The following GALNT10 variants were observed in gnomAD, a reference collection of about 807,000 sequenced individuals.
GALNT10 encodes the protein polypeptide N-acetylgalactosaminyltransferase 10, also known as GalNAc transferase 10.
In GALNT10, 41 loss-of-function variants were observed where a neutral mutation model predicts 75.0. The ratio of observed to expected loss-of-function variants is 0.55; its 90% confidence interval spans 0.43 to 0.71. The LOEUF is 0.71. Among genes scored for constraint, GALNT10 ranks in the 30% least tolerant of loss-of-function variants. The pLI, the probability that GALNT10 is intolerant of heterozygous loss-of-function variation, is 0.00. For synonymous variants in GALNT10, 302 were observed against 313.0 expected, an observed-to-expected ratio of 0.96 and a Z score of 0.37; for missense variants, 727 against 818.5, an observed-to-expected ratio of 0.89 and a Z score of 1.36.
At chr5:154,211,541 G>A (rs188939475) in intron 1 of GALNT10, among the ~76,000 whole-genome samples, 5 of 152,218 alleles carry the variant, frequency 3.3e-5, no homozygotes, top group African/African-American at 1.2e-4. Flanking sequence ...TGCATTTCCC[G>A]TTTTGGTTAT....
At chr5:154,315,240 G>A (rs1019731996) in intron 3 of GALNT10, among the ~76,000 whole-genome samples, 2 of 152,216 alleles carry the variant, frequency 1.3e-5, no homozygotes, top group Admixed American at 1.3e-4. Context: ...TGGCTTCATG[G>A]TTACCTCAGC....
At chr5:154,192,400 C>G (rs1289695745) in intron 1 of GALNT10, among the ~76,000 whole-genome samples, 1 of 152,218 alleles carries the variant, frequency 6.6e-6, no homozygotes, top group South Asian at 2.1e-4. Flanking sequence ...TAGCTTAGAC[C>G]TCTCTCCCTG....
At chr5:154,214,753 A>G (rs957162073) in intron 1 of GALNT10, among the ~76,000 whole-genome samples, 1 of 152,142 alleles carries the variant, frequency 6.6e-6, no homozygotes, top group Non-Finnish European at 1.5e-5. Context: ...CCATTTTCTC[A>G]TTATGAAACT....
At position 154,402,384 on chromosome 5, in the gene GALNT10, C is replaced by T. The variant is rs536277333; in HGVS notation, c.1057-1720C>T. Reference sequence around the variant, plus strand: ...TTGGTTCCACCTCAAACATCCCTTCCGAAGTGAGGCTTTCCCTGACTGGGG... The same window carrying T: ...TTGGTTCCACCTCAAACATCCCTTCTGAAGTGAGGCTTTCCCTGACTGGGG... On this transcript the variant is annotated intron_variant, in intron 7 of 11. Transcript: ENST00000297107. The surrounding 1 kb of genome is among the most constrained non-coding windows in gnomAD (Gnocchi z 4.2). 8.5e-5 allele frequency among the ~76,000 whole-genome samples: 13 copies of T among 152,332 alleles called. No individual in the cohort carries two copies. Among genetic ancestry groups the T allele is most frequent in the South Asian group, 2.1e-4 (1 of 4,824 alleles).
intron 4 of GALNT10, among the ~76,000 whole-genome samples, chr5:154,360,307 C>T (rs1042344123): frequency 3.3e-5 from 5 of 151,816 alleles, no homozygotes; most frequent in Admixed American, 2.0e-4. Context: ...AAAATTTAGC[C>T]GGGCATGGTG....
intron 6 of GALNT10, among the ~76,000 whole-genome samples, chr5:154,382,298 G>A (rs1310569887): frequency 6.6e-6 from 1 of 152,240 alleles, no homozygotes; most frequent in Non-Finnish European, 1.5e-5. Context: ...TGGATTCCAT[G>A]TCTCCAGCAG....
At chr5:154,388,833 G>C (rs1223432368) in intron 7 of GALNT10, 1 of 144,726 alleles carries the variant, frequency 6.9e-6, no homozygotes, top group African/African-American at 2.6e-5. Flanking sequence ...AGGATCTCTT[G>C]AGCCTAGGAG....
chr5:154,382,185 G>A (rs1189238805), intron 6 of GALNT10, among the ~76,000 whole-genome samples: 2 of 152,318 alleles, frequency 1.3e-5, no homozygotes, highest in South Asian at 2.1e-4. Flanking sequence ...CTAACACTAT[G>A]AGCCCCAGGG....
At chr5:154,387,318 C>T (rs1387108417) in intron 7 of GALNT10, 1 of 152,202 alleles carries the variant, frequency 6.6e-6, no homozygotes, top group Non-Finnish European at 1.5e-5. Context: ...CTTGGACCTT[C>T]TGAGGGGAGG....
chr5:154,244,716 G>A (rs574541884), intron 1 of GALNT10, among the ~76,000 whole-genome samples: 1 of 152,334 alleles, frequency 6.6e-6, no homozygotes, highest in African/African-American at 2.4e-5. Context: ...AGAAGCAAAG[G>A]CAGCAGCCAG....
intron 3 of GALNT10, among the ~76,000 whole-genome samples, chr5:154,313,791 T>C (rs893695232): frequency 6.6e-6 from 1 of 152,106 alleles, no homozygotes; most frequent in Non-Finnish European, 1.5e-5. Flanking sequence ...GAAAGAGGCT[T>C]ACAATCAGTA....
At position 154,305,133 on chromosome 5, in the gene GALNT10, T is replaced by TA. The variant is rs544309868; in HGVS notation, c.401+7061dup. On this transcript the variant is annotated intron_variant, in intron 3 of 11. Coordinates refer to ENST00000297107, the MANE Select transcript of GALNT10 (RefSeq NM_198321.4). Reference sequence around the variant, plus strand: ...CTGGGCAAGACCCCATTTCTAAAATTAAAAAAATATATATTAGCCAGGCAT... The same window carrying TA: ...CTGGGCAAGACCCCATTTCTAAAATTAAAAAAAATATATATTAGCCAGGCAT... 1.9e-3 allele frequency among the ~76,000 whole-genome samples: 291 copies of TA among 151,818 alleles called. 2 individuals are homozygous for TA. Among genetic ancestry groups the TA allele is most frequent in the African/African-American group, 5.7e-3 (236 of 41,404 alleles).
intron 6 of GALNT10, among the ~76,000 whole-genome samples, chr5:154,385,869 G>T (rs1167447624): frequency 6.6e-6 from 1 of 152,184 alleles, no homozygotes; most frequent in African/African-American, 2.4e-5. Context: ...CTCCCGCAAG[G>T]ATTGTTTCAG....
chr5:154,340,534 A>G (rs1755018790), intron 4 of GALNT10, among the ~76,000 whole-genome samples: 2 of 152,210 alleles, frequency 1.3e-5, no homozygotes, highest in Non-Finnish European at 1.5e-5. Flanking sequence ...TCTAATAGGT[A>G]TGTTCTTCTG....
At chr5:154,272,570 G>A (rs1233319872) in intron 1 of GALNT10, among the ~76,000 whole-genome samples, 2 of 152,144 alleles carry the variant, frequency 1.3e-5, no homozygotes, top group Non-Finnish European at 2.9e-5. Context: ...GAGGCCTGGG[G>A]GTCAGCGCCA....
At chr5:154,374,659 T>G (rs1402904036) in intron 4 of GALNT10, among the ~76,000 whole-genome samples, 1 of 152,200 alleles carries the variant, frequency 6.6e-6, no homozygotes, top group Non-Finnish European at 1.5e-5. Context: ...TGAGTTTAAG[T>G]CACACCTAAA....
At chr5:154,414,149 G>A (rs1165282206) in intron 10 of GALNT10, among the ~76,000 whole-genome samples, 1 of 152,210 alleles carries the variant, frequency 6.6e-6, no homozygotes, top group Non-Finnish European at 1.5e-5. Flanking sequence ...AGATGTGGAT[G>A]AACTGGACCT....
chr5:154,288,420 G>GTGTGTGTGTGTA (rs1457909831), intron 1 of GALNT10, among the ~76,000 whole-genome samples: 1 of 72,186 alleles, frequency 1.4e-5, no homozygotes, highest in African/African-American at 3.5e-5. Flanking sequence ...GTGTGTGTGT[G>GTGTGTGTGTGTA]TGTGTGTGTG....
At chr5:154,303,272 A>G (rs1271336500) in intron 3 of GALNT10, among the ~76,000 whole-genome samples, 1 of 152,186 alleles carries the variant, frequency 6.6e-6, no homozygotes, top group Non-Finnish European at 1.5e-5. Context: ...GCCATGGTAC[A>G]GGGAGGGCAA....
Sources: gnomAD v4.1 joint callset for allele counts (sites outside exome capture counted in the v4.1 genomes callset) on GRCh38, gnomAD v4.1.1 for gene constraint, Gnocchi (gnomAD v3.1) non-coding constraint, MANE v1.5 for transcripts, NCBI Gene and HGNC (gene_info 2026-07-23, HGNC 2026-07-21) for gene names.